Variants in ATG10 observed in about 807,000 individuals in gnomAD.
ATG10 encodes the protein ubiquitin-like-conjugating enzyme ATG10.
In ATG10, 30 loss-of-function variants were observed where a neutral mutation model predicts 32.1. The observed-to-expected ratio is 0.94, with a 90% confidence interval of 0.70 to 1.27. ATG10 has a LOEUF of 1.27. Ranked by LOEUF, ATG10 falls within the 50% of genes most tolerant of loss-of-function variation. The pLI, the probability that ATG10 is intolerant of heterozygous loss-of-function variation, is 0.00. For synonymous variants in ATG10, 87 were observed against 91.5 expected (o/e 0.95, Z 0.28); for missense variants, 233 against 262.3 (o/e 0.89, Z 0.77).
intron 3 of ATG10, among the ~76,000 whole-genome samples, chr5:82,077,611 T>C (rs1764321583): frequency 6.6e-6 from 1 of 152,080 alleles, no homozygotes; most frequent in Non-Finnish European, 1.5e-5. Context: ...TATTAAGATA[T>C]GAAGCTCAGC....
chr5:82,252,782 AT>A, intron 6 of ATG10, 123 bp downstream of exon 6: 1 of 635,840 alleles, frequency 1.6e-6, no homozygotes, highest in Non-Finnish European at 2.7e-6. Context: ...TAACACAATG[AT>A]TTTTAGGATA....
At chr5:82,216,617 C>A (rs1169183002) in intron 5 of ATG10, among the ~76,000 whole-genome samples, 1 of 152,196 alleles carries the variant, frequency 6.6e-6, no homozygotes, top group African/African-American at 2.4e-5. Context: ...GGCAACACTT[C>A]AGCAAAAGCC....
chr5:82,206,582 G>A (rs924328590), intron 5 of ATG10, among the ~76,000 whole-genome samples: 2 of 151,598 alleles, frequency 1.3e-5, no homozygotes, highest in South Asian at 2.1e-4. Context: ...CCTGCGAGGC[G>A]GAGGTTGCAG....
intron 5 of ATG10, among the ~76,000 whole-genome samples, chr5:82,213,502 C>G (rs1396454090): frequency 6.6e-6 from 1 of 152,212 alleles, no homozygotes; most frequent in African/African-American, 2.4e-5. Context: ...GAATGATGAA[C>G]TGTAACTGCC....
At chr5:82,154,179 A>C (rs1820807) in intron 3 of ATG10, among the ~76,000 whole-genome samples, 36,181 of 152,108 alleles carry the variant, frequency 0.24, 4,658 homozygotes, top group South Asian at 0.36. Flanking sequence ...ATGAAATTTA[A>C]ATTTTAGTGT....
chr5:82,037,176 T>G (rs954367879), intron 2 of ATG10, among the ~76,000 whole-genome samples: 12 of 147,328 alleles, frequency 8.1e-5, no homozygotes, highest in African/African-American at 2.7e-4. Context: ...TCCCTTAGAT[T>G]ATTTAGGTGA....
At chr5:82,057,705 TA>T (rs542565823) in intron 2 of ATG10, among the ~76,000 whole-genome samples, 1 of 152,190 alleles carries the variant, frequency 6.6e-6, no homozygotes, top group Non-Finnish European at 1.5e-5. Flanking sequence ...AGTGTTACCT[TA>T]AAAAAATGGA....
At chr5:82,033,795 A>G (rs534990160) in intron 2 of ATG10, among the ~76,000 whole-genome samples, 4 of 151,592 alleles carry the variant, frequency 2.6e-5, no homozygotes, top group African/African-American at 9.7e-5. Flanking sequence ...TTTGTACTAT[A>G]TGTGTATAGA....
At chr5:82,077,788 T>G (rs956610996) in intron 3 of ATG10, among the ~76,000 whole-genome samples, 1 of 152,226 alleles carries the variant, frequency 6.6e-6, no homozygotes, top group African/African-American at 2.4e-5. Flanking sequence ...GATTGATGCT[T>G]TAGAAAAAGC....
chr5:82,068,504 A>T (rs1228965928), intron 3 of ATG10, among the ~76,000 whole-genome samples: 2 of 152,000 alleles, frequency 1.3e-5, no homozygotes, highest in Non-Finnish European at 2.9e-5. Context: ...CTGTGTAACA[A>T]ACCTGCACAT....
chr5:82,120,913 A>C (rs1295198931), intron 3 of ATG10, among the ~76,000 whole-genome samples: 2 of 152,160 alleles, frequency 1.3e-5, no homozygotes, highest in Non-Finnish European at 2.9e-5. Context: ...AATATTTTTG[A>C]CAGGAAGATA....
intron 2 of ATG10, among the ~76,000 whole-genome samples, chr5:82,057,974 C>T (rs542500673): frequency 2.5e-4 from 38 of 152,224 alleles, no homozygotes; most frequent in African/African-American, 8.9e-4. Context: ...ATGGAAATGA[C>T]CGCTGTGTAA....
chr5:82,050,490 A>G (rs1436274378), intron 2 of ATG10, among the ~76,000 whole-genome samples: 4 of 152,070 alleles, frequency 2.6e-5, no homozygotes, highest in African/African-American at 9.7e-5. Flanking sequence ...TTCAGTAACT[A>G]TAATTTAGTC....
At chr5:82,229,440 T>A (rs1409659602) in intron 5 of ATG10, among the ~76,000 whole-genome samples, 1 of 152,256 alleles carries the variant, frequency 6.6e-6, no homozygotes, top group African/African-American at 2.4e-5. Context: ...TTTTATTTCA[T>A]GCCATGCTTC....
intron 1 of ATG10, among the ~76,000 whole-genome samples, chr5:81,982,716 C>T (rs961072015): frequency 3.9e-5 from 6 of 152,094 alleles, no homozygotes; most frequent in African/African-American, 9.7e-5. Context: ...TGCGGCCTTC[C>T]GCAGTGTTTG....
Position 82,004,871 on chromosome 5 carries a change from C to T in ATG10, c.108+17193C>T, listed in dbSNP as rs16876436. Among the ~76,000 whole-genome samples the T allele has an allele frequency of 1.7e-3, 253 of 152,278 alleles. 10 individuals are homozygous for T. The East Asian group carries it at 0.042, about 25-fold the overall frequency. On this transcript the variant is annotated intron_variant, in intron 2 of 7. Transcript: ENST00000282185. ...TGAGGACCAGTAAACAGTTTTTGGA[C>T]TGGTAACAATTAATTCTCAAAATGG...
At chr5:82,145,985 G>A (rs1316629000) in intron 3 of ATG10, among the ~76,000 whole-genome samples, 2 of 152,124 alleles carry the variant, frequency 1.3e-5, no homozygotes, top group African/African-American at 4.8e-5. Flanking sequence ...GGGATTACAG[G>A]CGTGAGCCAC....
chr5:82,070,463 AAAG>A (rs571472406), intron 3 of ATG10, among the ~76,000 whole-genome samples: 190 of 152,290 alleles, frequency 1.2e-3, no homozygotes, highest in Admixed American at 2.7e-3. Context: ...TAGATATGAA[AAAG>A]AAGGGGAAAA....
chr5:82,231,600 C>G (rs1746370478), intron 5 of ATG10, among the ~76,000 whole-genome samples: 1 of 152,064 alleles, frequency 6.6e-6, no homozygotes, highest in Non-Finnish European at 1.5e-5. Context: ...CTCATAGTAG[C>G]CAGGTTTTTA....
Sources: allele counts gnomAD v4.1 joint callset (sites outside exome capture counted in the v4.1 genomes callset), GRCh38; gene constraint gnomAD v4.1.1; transcripts MANE v1.5; gene names NCBI Gene and HGNC (gene_info 2026-07-23, HGNC 2026-07-21).